The following SYMPK variants were observed in gnomAD, a reference collection of about 807,000 sequenced individuals.
SYMPK encodes the protein symplekin scaffold protein.
In SYMPK, 49 loss-of-function variants were observed where a neutral mutation model predicts 136.4. The observed-to-expected ratio is 0.36, with a 90% CI of 0.29 to 0.46. The LOEUF is 0.46. Ranked by LOEUF, SYMPK falls within the 20% of genes least tolerant of loss-of-function variation. The pLI, the probability that SYMPK is intolerant of heterozygous loss-of-function variation, is 1.00. For missense variants in SYMPK, 1,365 were observed against 1,690.0 expected, an observed-to-expected ratio of 0.81 and a Z score of 3.37; for synonymous variants, 766 against 713.0, an observed-to-expected ratio of 1.07 and a Z score of -1.19.
chr19:45,817,833 G>T, intron 23 of SYMPK, 126 bp downstream of exon 23: 1 of 1,000,510 alleles, frequency 1.0e-6, no homozygotes, highest in Non-Finnish European at 1.4e-6. Context: ...TTTCTTGGCA[G>T]GAGGCAGAGC....
intron 15 of SYMPK, 52 bp downstream of exon 15, chr19:45,827,785 G>A (rs1023354500): frequency 9.4e-6 from 15 of 1,593,226 alleles, no homozygotes; most frequent in African/African-American, 4.0e-5. Flanking sequence ...GACCCCTCAG[G>A]GCAGGGCCCT....
At chr19:45,816,311 G>C (rs1049092964) in intron 25 of SYMPK, 128 bp from the exon 26 acceptor site, 5 of 1,149,390 alleles carry the variant, frequency 4.4e-6, no homozygotes, top group Non-Finnish European at 6.0e-6. Context: ...AGGGGCAGTT[G>C]TCCCCCAGAC....
chr19:45,854,429 C>G lies in SYMPK; in HGVS notation c.67G>C (p.Glu23Gln), dbSNP rs752727012. ...GTCATGCCATCGATGCCCGGCCCCT[C>G]CTCTTGAGTGAAAAACTGTGATGCC... ...SVASQFFTQE[E>Q]GPGIDGMTTS... Residue 23 changes from glutamate (E) to glutamine (Q), a missense_variant, in exon 2 of 27, where the codon GAG (glutamate) becomes CAG (glutamine). Physicochemically the swap from Glu to Gln is conservative, Grantham distance 29 (BLOSUM62 2). Coordinates refer to ENST00000245934, the MANE Select transcript of SYMPK (RefSeq NM_004819.3). The G allele has an allele frequency of 8.7e-6, 14 of 1,614,044 alleles. No individual in the cohort carries two copies. Among genetic ancestry groups the G allele is most frequent in the Middle Eastern group, 1.6e-4 (1 of 6,084 alleles).
At chr19:45,834,729 G>T (rs1468734512) in intron 11 of SYMPK, among the ~76,000 whole-genome samples, 1 of 152,144 alleles carries the variant, frequency 6.6e-6, no homozygotes, top group Non-Finnish European at 1.5e-5. Context: ...ATTCACTAAG[G>T]TCTATAATTA....
chr19:45,831,553 T>G lies in SYMPK; in HGVS notation c.1429A>C (p.Lys477Gln), dbSNP rs757513856. 1 of 1,610,974 alleles carries G rather than the reference T, an allele frequency of 6.2e-7. No homozygotes were observed. Among genetic ancestry groups the G allele is most frequent in the Non-Finnish European group, 8.5e-7 (1 of 1,178,780 alleles). ...TCTGTCTTCACCACCTTCTCCTCCT[T>G]GGGCTCCTCCTTGCACTGTTTGGTC... ...EQTKQCKEEP[K>Q]EEKVVKTESV... The change falls in exon 12 of 27, where the codon AAG becomes CAG. Residue 477 changes from lysine (K) to glutamine (Q), a missense_variant. Transcript: ENST00000245934.
chr19:45,839,724 C>T (rs1300643571), intron 9 of SYMPK, among the ~76,000 whole-genome samples: 2 of 151,988 alleles, frequency 1.3e-5, no homozygotes, highest in African/African-American at 4.8e-5. Flanking sequence ...CCCAGCTACT[C>T]GGGAGGCTGA....
rs144730714 is a variant in SYMPK, at chr19:45,815,659, C to T, written c.3726G>A (p.Arg1242=). The T allele has an allele frequency of 4.4e-4, 710 of 1,610,716 alleles. No homozygotes were observed. The highest frequency in any genetic ancestry group is 5.3e-4 in the Non-Finnish European group (625 of 1,179,110). The stretch of plus-strand genomic sequence containing the variant: ...CAACAGGTGCGAGGGTCTGGGGGCT[C>T]CGCTCCTCCTTCAAGGTCAGCCCGC... ...AAGGLTLKEE[R]SPQTLAPVGE... Residue 1242 remains arginine (R), a synonymous_variant, in exon 27 of 27, where the codon CGG becomes CGA. Coordinates refer to ENST00000245934, the MANE Select transcript of SYMPK (RefSeq NM_004819.3).
At chr19:45,842,184 A>T in intron 9 of SYMPK, 66 bp downstream of exon 9, 1 of 1,597,860 alleles carries the variant, frequency 6.3e-7, no homozygotes, top group Non-Finnish European at 8.6e-7. Flanking sequence ...AATTCAGCAT[A>T]GTTTAAGGTA....
At chr19:45,830,341 T>C in intron 12 of SYMPK, 137 bp from the exon 13 acceptor site, 1 of 993,000 alleles carries the variant, frequency 1.0e-6, no homozygotes, top group South Asian at 1.6e-5. Flanking sequence ...AGTTCCTCTG[T>C]GTCTCTGAGG....
At chr19:45,822,921 T>C (rs1970941311) in intron 20 of SYMPK, 75 bp from the exon 21 acceptor site, 12 of 1,279,720 alleles carry the variant, frequency 9.4e-6, no homozygotes, top group African/African-American at 1.5e-5. Flanking sequence ...AGCCACCCCT[T>C]CTGCTCGCCC....
At chr19:45,824,020 G>A (rs1970975433) in intron 18 of SYMPK, 145 bp from the exon 19 acceptor site, 8 of 479,764 alleles carry the variant, frequency 1.7e-5, no homozygotes, top group South Asian at 1.1e-4. Flanking sequence ...GAAAGGTGGG[G>A]AAGGGCAGGA....
In SYMPK at chr19:45,858,112, T is replaced by A. The variant is rs372492180; in HGVS notation, c.-12-3605A>T. 2.6e-4 allele frequency among the ~76,000 whole-genome samples: 40 copies of A among 152,096 alleles called. No individual in the cohort carries two copies. The East Asian group carries it at 7.4e-3, about 28-fold the overall frequency. On this transcript the variant is annotated intron_variant, in intron 1 of 26. Transcript: ENST00000245934. ...CAGCGCCCAGCCGAAAATGACACGT[T>A]TTTTAAAAGGAACTACCCAATAGCT... is the stretch of plus-strand genomic sequence containing the variant.
intron 5 of SYMPK, among the ~76,000 whole-genome samples, chr19:45,849,616 A>G (rs1971649358): frequency 6.6e-6 from 1 of 152,238 alleles, no homozygotes; most frequent in Non-Finnish European, 1.5e-5. Context: ...CCTAACATGG[A>G]TGCCTGGTAC....
At position 45,847,776 on chromosome 19, in the gene SYMPK, G is replaced by C. The variant is rs1263705470; in HGVS notation, c.652C>G (p.Arg218Gly). ...CTGTACTGGATGTAGGGGTGGTCAC[G>C]AGGGATGCGGTCCAGGCTGATATCA... is the stretch of plus-strand genomic sequence containing the variant. Reference protein sequence around the residue: ...EHDISLDRIPRDHPYIQYNVL... With the variant: ...EHDISLDRIPGDHPYIQYNVL... Residue 218 changes from arginine (R) to glycine (G), a missense_variant, in exon 7 of 27, where the codon CGT (arginine) becomes GGT (glycine). Coordinates refer to ENST00000245934, the MANE Select transcript of SYMPK (RefSeq NM_004819.3). 2.5e-6 allele frequency: 4 copies of C among 1,613,908 alleles called. No individual in the cohort carries two copies. Among genetic ancestry groups the C allele is most frequent in the Admixed American group, 1.7e-5 (1 of 60,006 alleles).
chr19:45,848,096 T>C (rs1455062969), intron 6 of SYMPK, 95 bp from the exon 7 acceptor site: 11 of 1,396,134 alleles, frequency 7.9e-6, no homozygotes, highest in Admixed American at 2.4e-5. Flanking sequence ...CAGAGAACCA[T>C]GAATGATGAA....
At chr19:45,842,521 T>C in intron 8 of SYMPK, 32 bp from the exon 9 acceptor site, 1 of 1,595,696 alleles carries the variant, frequency 6.3e-7, no homozygotes, top group Non-Finnish European at 8.6e-7. Flanking sequence ...CTGTGTCTTG[T>C]GGAAGATCTC....
Position 45,844,200 on chromosome 19 carries a change from T to C in SYMPK, c.677A>G (p.Asn226Ser), listed in dbSNP as rs1251190199. 10 of 1,582,676 alleles carry C rather than the reference T, an allele frequency of 6.3e-6. No individual in the cohort carries two copies. The highest frequency in any genetic ancestry group is 8.6e-6 in the Non-Finnish European group (10 of 1,164,538). ...TGCCTTGCCCTCTTCCCATAGCACG[T>C]CTAAGAGACAGAGAGGAGAACCAGT... ...IPRDHPYIQY[N>S]VLWEEGKAAL... Residue 226 changes from asparagine (N) to serine (S), a missense_variant and splice_region_variant, in exon 8 of 27, where the codon AAC becomes AGC. By Grantham distance (46) the Asn-to-Ser change is conservative. Coordinates refer to ENST00000245934, the MANE Select transcript of SYMPK (RefSeq NM_004819.3).
At chr19:45,851,927 T>A (rs1039012224) in intron 5 of SYMPK, among the ~76,000 whole-genome samples, 7 of 152,064 alleles carry the variant, frequency 4.6e-5, no homozygotes, top group African/African-American at 1.7e-4. Context: ...TTTTGTTATA[T>A]GAATTTCAAT....
rs1242406145 is a variant in SYMPK at position 45,821,113 on chromosome 19, G to C, written c.2893+271C>G. 4 of 679,930 alleles carry C rather than the reference G, an allele frequency of 5.9e-6. No homozygotes were observed. Among genetic ancestry groups the C allele is most frequent in the Non-Finnish European group, 1.1e-5 (4 of 374,768 alleles). 42.1% of individuals were successfully genotyped at this position (679,930 alleles called of 1,614,324 possible). On this transcript the variant is annotated intron_variant, in intron 22 of 26. Coordinates refer to ENST00000245934, the MANE Select transcript of SYMPK (RefSeq NM_004819.3). The surrounding 1 kb of genome is among the most constrained non-coding windows in gnomAD (Gnocchi z 4.4). ...TACCCAACTGCTTTAGGCCCACTCT[G>C]TGCCAGGGCACAGCAGGTACATCAG...
Sources: gnomAD v4.1 joint callset for allele counts (sites outside exome capture counted in the v4.1 genomes callset) on GRCh38, gnomAD v4.1.1 for gene constraint, Gnocchi (gnomAD v3.1) non-coding constraint, MANE v1.5 for transcripts, NCBI Gene and HGNC (gene_info 2026-07-23, HGNC 2026-07-21) for gene names.